The following HACD4 variants were observed in gnomAD, a reference collection of about 807,000 sequenced individuals.
HACD4 encodes the protein very-long-chain (3R)-3-hydroxyacyl-CoA dehydratase 4.
A neutral mutation model predicts 33.3 loss-of-function variants in HACD4; 35 were observed. The observed-to-expected ratio is 1.05, with a 90% CI of 0.80 to 1.39. The LOEUF (loss-of-function observed/expected upper bound fraction) is 1.39. HACD4 is among the 40% of genes most tolerant of loss of function. HACD4 has a pLI of 0.00. For missense variants in HACD4, 323 were observed against 276.5 expected (o/e 1.17, Z -1.19); for synonymous variants, 118 against 98.0 (o/e 1.20, Z -1.21).
chr9:21,013,384 C>T (rs1842484001), intron 4 of HACD4, among the ~76,000 whole-genome samples: 1 of 152,130 alleles, frequency 6.6e-6, no homozygotes, highest in South Asian at 2.1e-4. Context: ...CATGATTTAT[C>T]CTTACACAGT....
chr9:21,023,174 C>T (rs1260461146), intron 3 of HACD4, among the ~76,000 whole-genome samples: 1 of 137,246 alleles, frequency 7.3e-6, no homozygotes, highest in Non-Finnish European at 1.5e-5. Flanking sequence ...ACAATGAGAA[C>T]ACTTGGACAC....
intron 3 of HACD4, 102 bp downstream of exon 3, chr9:21,026,494 A>G: frequency 1.1e-6 from 1 of 911,738 alleles, no homozygotes; most frequent in Non-Finnish European, 1.7e-6. Flanking sequence ...GTGACCTAAG[A>G]CAAGGGTTGG....
intron 1 of HACD4, among the ~76,000 whole-genome samples, chr9:21,030,908 G>C (rs10964802): frequency 0.39 from 59,317 of 152,062 alleles, 11,953 homozygotes; most frequent in Non-Finnish European, 0.44. Context: ...AGAGTGACGG[G>C]AGTGGCCCTG....
chr9:21,007,633 C>T (rs4977894), intron 6 of HACD4, among the ~76,000 whole-genome samples: 150,129 of 152,296 alleles, frequency 0.99, 74,036 homozygotes, highest in East Asian at 1. Flanking sequence ...TAGGAAGTGC[C>T]AGCTTGAAAA....
At chr9:21,023,057 T>C (rs1474971645) in intron 3 of HACD4, among the ~76,000 whole-genome samples, 2 of 152,182 alleles carry the variant, frequency 1.3e-5, no homozygotes, top group Non-Finnish European at 1.5e-5. Context: ...GATGAGTTCA[T>C]GTCCTTTGTA....
intron 3 of HACD4, among the ~76,000 whole-genome samples, chr9:21,022,393 A>C (rs555137404): frequency 6.6e-6 from 1 of 152,330 alleles, no homozygotes; most frequent in Non-Finnish European, 1.5e-5. Flanking sequence ...AATTAAACTA[A>C]AAAGCTCCGG....
rs1842184231 is a variant in HACD4, at chr9:21,002,630, T to TG, written c.*4406dup. The TG allele has an allele frequency of 6.6e-6, 1 of 152,060 alleles. No homozygotes were observed. The highest frequency in any genetic ancestry group is 1.5e-5 in the Non-Finnish European group (1 of 67,962). The allele number at this position is 152,060 out of a possible 1,614,324, so 9.4% of individuals were successfully genotyped here. A position where few individuals can be genotyped will look rare whatever the true frequency, so the allele number is the denominator to read the frequency against. On this transcript the variant is annotated 3_prime_UTR_variant, in exon 7 of 7. Coordinates refer to ENST00000495827, the MANE Select transcript of HACD4 (RefSeq NM_001010915.5). ...TGCAAGGTAAAAAAAGTTCTGGAGA[T>TG]GGACAGTGGTGATGGTTGCACAATA...
chr9:21,020,368 T>A (rs935353161), intron 3 of HACD4, among the ~76,000 whole-genome samples: 1 of 152,182 alleles, frequency 6.6e-6, no homozygotes. Context: ...TCTAATGTTA[T>A]GACACAAAGG....
At chr9:21,017,829 G>A (rs2275887) in intron 3 of HACD4, 20,502 of 152,096 alleles carry the variant, frequency 0.13, 1,586 homozygotes, top group East Asian at 0.34. Context: ...ATATATATCC[G>A]AAGTCTCCTG....
chr9:21,012,185 A>T (rs1292262773), intron 4 of HACD4, among the ~76,000 whole-genome samples: 1 of 152,236 alleles, frequency 6.6e-6, no homozygotes, highest in Non-Finnish European at 1.5e-5. Flanking sequence ...TGGGTATAGT[A>T]GGGAGCTTTA....
intron 3 of HACD4, among the ~76,000 whole-genome samples, chr9:21,023,429 C>A (rs1256032372): frequency 1.3e-5 from 2 of 152,066 alleles, no homozygotes; most frequent in South Asian, 4.1e-4. Context: ...AAACCTATCC[C>A]CTGTGGACAC....
chr9:21,015,316 AGAGTGAGGC>A (rs1348154794), intron 4 of HACD4: 2 of 152,230 alleles, frequency 1.3e-5, no homozygotes, highest in African/African-American at 2.4e-5. Context: ...ACACCTCCCC[AGAGTGAGGC>A]GTAAGCACTC....
chr9:21,000,586 C>G lies in HACD4; in HGVS notation c.*6451G>C, dbSNP rs892900859. The G allele has an allele frequency of 2.0e-5, 3 of 152,176 alleles. No individual in the cohort carries two copies. The highest frequency in any genetic ancestry group is 1.9e-4 in the East Asian group (1 of 5,180). 9.4% of individuals were successfully genotyped at this position (152,176 alleles called of 1,614,324 possible). On this transcript the variant is annotated 3_prime_UTR_variant, in exon 7 of 7. Coordinates refer to ENST00000495827, the MANE Select transcript of HACD4 (RefSeq NM_001010915.5). ...TTGTGGCTGTTGCTCCCTGAACATACAATCTGAACACTACCCTGGAGAACC... is the reference window on the plus strand; with the variant it reads ...TTGTGGCTGTTGCTCCCTGAACATAGAATCTGAACACTACCCTGGAGAACC...
chr9:21,022,911 A>G (rs1161247235), intron 3 of HACD4, among the ~76,000 whole-genome samples: 1 of 152,008 alleles, frequency 6.6e-6, no homozygotes, highest in Non-Finnish European at 1.5e-5. Flanking sequence ...ATAAAGACAC[A>G]TGCACACGTA....
At chr9:21,026,824 C>T in intron 2 of HACD4, 101 bp from the exon 3 acceptor site, 1 of 922,600 alleles carries the variant, frequency 1.1e-6, no homozygotes. Flanking sequence ...TATTCACTTC[C>T]TTTTTCATTG....
At chr9:21,024,036 G>A (rs1420364842) in intron 3 of HACD4, among the ~76,000 whole-genome samples, 1 of 152,178 alleles carries the variant, frequency 6.6e-6, no homozygotes, top group African/African-American at 2.4e-5. Context: ...TGAAAGTTTT[G>A]TTTCATTATT....
In HACD4 at chr9:21,004,776, T is replaced by TAAAG. The variant is rs1000170667; in HGVS notation, c.*2257_*2260dup. 3.9e-5 allele frequency: 6 copies of TAAAG among 152,328 alleles called. No individual in the cohort carries two copies. Among genetic ancestry groups the TAAAG allele is most frequent in the African/African-American group, 1.4e-4 (6 of 41,562 alleles). The allele number at this position is 152,328 out of a possible 1,614,324, so 9.4% of individuals were successfully genotyped here. A position where few individuals can be genotyped will look rare whatever the true frequency, so the allele number is the denominator to read the frequency against. ...GTGTGGTGATGCTATAACCAATATA[T>TAAAG]AAAGATGTGGAAGCAGCTTTGACGT... On this transcript the variant is annotated 3_prime_UTR_variant, in exon 7 of 7. Coordinates refer to ENST00000495827, the MANE Select transcript of HACD4 (RefSeq NM_001010915.5). This position sits in a 1 kb window ranked among gnomAD's most constrained non-coding sequence, Gnocchi z 4.6.
In HACD4 at chr9:21,002,755, A is replaced by G. The variant is rs1842186747; in HGVS notation, c.*4282T>C. 6.6e-6 allele frequency: 1 copy of G among 152,196 alleles called. No homozygotes were observed. The highest frequency in any genetic ancestry group is 2.1e-4 in the South Asian group (1 of 4,830). 9.4% of individuals were successfully genotyped at this position (152,196 alleles called of 1,614,324 possible). ...AAAAATTACTGAAAAAAGTTGTCTT[A>G]GATATGTTTTCAAAATATCTAATGG... On this transcript the variant is annotated 3_prime_UTR_variant, in exon 7 of 7. Coordinates refer to ENST00000495827, the MANE Select transcript of HACD4 (RefSeq NM_001010915.5).
intron 1 of HACD4, among the ~76,000 whole-genome samples, chr9:21,030,798 G>A (rs1818193265): frequency 6.6e-6 from 1 of 152,180 alleles, no homozygotes; most frequent in African/African-American, 2.4e-5. Context: ...TTAACAATGT[G>A]TTGTGAGTTG....
Sources: allele counts gnomAD v4.1 joint callset (sites outside exome capture counted in the v4.1 genomes callset), GRCh38; gene constraint gnomAD v4.1.1; non-coding constraint Gnocchi (gnomAD v3.1); transcripts MANE v1.5; gene names NCBI Gene and HGNC (gene_info 2026-07-23, HGNC 2026-07-21).